Variants in STAU2 observed in about 807,000 individuals in gnomAD.
STAU2 encodes the protein double-stranded RNA-binding protein Staufen homolog 2.
Under a neutral mutation model 65.9 loss-of-function variants are expected in STAU2, and 20 were observed. The ratio of observed to expected loss-of-function variants is 0.30; its 90% confidence interval spans 0.21 to 0.44. The LOEUF is 0.44. Among genes scored for constraint, STAU2 ranks in the 20% least tolerant of loss-of-function variants. The pLI is 1.00. For synonymous variants in STAU2, 232 were observed against 233.9 expected (o/e 0.99, Z 0.07); for missense variants, 558 against 683.9 (o/e 0.82, Z 2.05).
intron 5 of STAU2, among the ~76,000 whole-genome samples, chr8:73,686,270 G>A (rs1293391289): frequency 1.3e-5 from 2 of 151,996 alleles, no homozygotes; most frequent in Non-Finnish European, 2.9e-5. Context: ...AAAAAATTAG[G>A]CCAGGCACAG....
At chr8:73,429,012 T>C (rs1271535433) in intron 13 of STAU2, among the ~76,000 whole-genome samples, 1 of 152,184 alleles carries the variant, frequency 6.6e-6, no homozygotes, top group Non-Finnish European at 1.5e-5. Context: ...TTTTCAGAAT[T>C]CTTGCGTGGC....
At chr8:73,438,114 G>GC (rs531078788) in intron 13 of STAU2, among the ~76,000 whole-genome samples, 238 of 152,220 alleles carry the variant, frequency 1.6e-3, no homozygotes, top group African/African-American at 5.4e-3. Flanking sequence ...TCTAGAGTGT[G>GC]CCCCCCAACA....
At chr8:73,551,799 G>A in intron 13 of STAU2, 7 of 1,215,338 alleles carry the variant, frequency 5.8e-6, no homozygotes, top group Non-Finnish European at 7.2e-6. Flanking sequence ...GAAGAGACAG[G>A]CAGCAAAAGA....
chr8:73,589,122 C>G (rs2128966560), intron 11 of STAU2, among the ~76,000 whole-genome samples: 1 of 152,236 alleles, frequency 6.6e-6, no homozygotes, highest in Middle Eastern at 3.4e-3. Flanking sequence ...GCATGGGTAA[C>G]AGCATATCAC....
chr8:73,552,500 A>G (rs1222612630), intron 12 of STAU2, among the ~76,000 whole-genome samples, 181 bp from the exon 13 acceptor site: 1 of 152,180 alleles, frequency 6.6e-6, no homozygotes, highest in Non-Finnish European at 1.5e-5. Context: ...AATAATGTCT[A>G]TTTCAATTTT....
rs149899784 is a variant in STAU2 at position 73,461,692 on chromosome 8, T to C, written c.1531-38990A>G. 1.1e-3 allele frequency among the ~76,000 whole-genome samples: 163 copies of C among 151,736 alleles called. 4 individuals are homozygous for C. The highest frequency in any genetic ancestry group is 3.6e-3 in the African/African-American group (149 of 41,364). On this transcript the variant is annotated intron_variant, in intron 13 of 14. Transcript: ENST00000524300. ...GCAAGTAGGAGGAGGATGGAGACTG[T>C]GTAGGAGGGAGAGAATGAGGTGGGG...
At chr8:73,502,244 T>C (rs59239276) in intron 13 of STAU2, among the ~76,000 whole-genome samples, 3,839 of 138,844 alleles carry the variant, frequency 0.028, 155 homozygotes, top group African/African-American at 0.099. Context: ...ATGATACCTA[T>C]TCTACAGAAT....
chr8:73,432,657 T>TA (rs576115373), intron 13 of STAU2, among the ~76,000 whole-genome samples: 48 of 152,284 alleles, frequency 3.2e-4, no homozygotes, highest in African/African-American at 1.2e-3. Flanking sequence ...TTTTGTTAAA[T>TA]AAAAAAAGGA....
At chr8:73,733,951 AT>A (rs1265842939) in intron 3 of STAU2, among the ~76,000 whole-genome samples, 2 of 152,156 alleles carry the variant, frequency 1.3e-5, no homozygotes, top group African/African-American at 4.8e-5. Flanking sequence ...AGAGATATAC[AT>A]TTAAAAAATT....
intron 13 of STAU2, among the ~76,000 whole-genome samples, chr8:73,437,537 A>G (rs756805990): frequency 6.6e-6 from 1 of 152,224 alleles, no homozygotes; most frequent in African/African-American, 2.4e-5. Context: ...CAGCGAGTCC[A>G]TGGGAGACTT....
In STAU2 at chr8:73,651,057, T is replaced by C. The variant is rs527652863; in HGVS notation, c.410+22050A>G. Among the ~76,000 whole-genome samples the C allele has an allele frequency of 7.9e-5, 12 of 152,302 alleles. No individual in the cohort carries two copies. In the South Asian group the frequency reaches 1.9e-3, roughly 24 times the overall value. On this transcript the variant is annotated intron_variant, in intron 6 of 14. Transcript: ENST00000524300. ...CACCTTGTGGCGGGCAGCAGCCCTC[T>C]AGCTTTGGCTCCGTGGACTGGCTCT...
At chr8:73,445,619 G>A (rs533454960) in intron 13 of STAU2, among the ~76,000 whole-genome samples, 1 of 152,150 alleles carries the variant, frequency 6.6e-6, no homozygotes, top group Non-Finnish European at 1.5e-5. Context: ...ATCTGACAGA[G>A]GGCCAGTATC....
At chr8:73,636,352 G>C (rs1005942072) in intron 6 of STAU2, among the ~76,000 whole-genome samples, 5 of 151,376 alleles carry the variant, frequency 3.3e-5, no homozygotes, top group Non-Finnish European at 7.4e-5. Flanking sequence ...ACTCCAGCCT[G>C]GGTGACAGAG....
chr8:73,476,247 C>A (rs1449871482), intron 13 of STAU2, among the ~76,000 whole-genome samples: 1 of 152,148 alleles, frequency 6.6e-6, no homozygotes, highest in Non-Finnish European at 1.5e-5. Context: ...GGACATTTAG[C>A]TGAGATGAAT....
chr8:73,709,304 T>C (rs1820728730), intron 3 of STAU2, 142 bp from the exon 4 acceptor site: 1 of 722,506 alleles, frequency 1.4e-6, no homozygotes, highest in Admixed American at 3.5e-5. Flanking sequence ...TTACCTAATG[T>C]CTTCCATTAC....
chr8:73,605,251 C>G (rs183899700), intron 9 of STAU2, among the ~76,000 whole-genome samples: 1 of 150,164 alleles, frequency 6.7e-6, no homozygotes, highest in East Asian at 1.9e-4. Context: ...GTTCATCGAT[C>G]AGAAGACTCA....
chr8:73,598,480 G>T (rs1811378093), intron 10 of STAU2, among the ~76,000 whole-genome samples: 1 of 152,034 alleles, frequency 6.6e-6, no homozygotes. Flanking sequence ...GCCCACCTCG[G>T]CCTCCCAAAG....
At chr8:73,561,819 AT>A (rs1205384289) in intron 12 of STAU2, among the ~76,000 whole-genome samples, 2 of 152,226 alleles carry the variant, frequency 1.3e-5, no homozygotes, top group African/African-American at 4.8e-5. Flanking sequence ...TGCTTTGCAT[AT>A]ATTAGTTTAG....
At chr8:73,475,572 T>G (rs1431317091) in intron 13 of STAU2, among the ~76,000 whole-genome samples, 3 of 152,202 alleles carry the variant, frequency 2.0e-5, no homozygotes, top group Non-Finnish European at 4.4e-5. Flanking sequence ...CCTTAGAGAT[T>G]TCACATCTCC....
Sources: gnomAD v4.1 joint callset for allele counts (sites outside exome capture counted in the v4.1 genomes callset) on GRCh38, gnomAD v4.1.1 for gene constraint, MANE v1.5 for transcripts, NCBI Gene and HGNC (gene_info 2026-07-23, HGNC 2026-07-21) for gene names.